HSPA12A: variants seen among roughly 807,000 people sequenced by gnomAD.
HSPA12A encodes the protein heat shock protein family A (Hsp70) member 12A, also known as heat shock 70 kDa protein 12A.
A neutral mutation model predicts 69.2 loss-of-function variants in HSPA12A; 28 were observed. The observed-to-expected ratio is 0.40, with a 90% CI of 0.30 to 0.55. The LOEUF (loss-of-function observed/expected upper bound fraction) is 0.55. Among genes scored for constraint, HSPA12A ranks in the 20% least tolerant of loss-of-function variants. HSPA12A has a pLI of 0.38. For missense variants in HSPA12A, 686 were observed against 900.7 expected (o/e 0.76, Z 3.05); for synonymous variants, 345 against 370.5 (o/e 0.93, Z 0.79).
intron 2 of HSPA12A, among the ~76,000 whole-genome samples, chr10:116,833,616 T>C (rs1845659575): frequency 6.6e-6 from 1 of 152,208 alleles, no homozygotes; most frequent in Admixed American, 6.5e-5. Flanking sequence ...GATCAATAAA[T>C]TTATTTATTG....
rs1554877320 is a variant in HSPA12A, at chr10:116,674,884, A to G, written c.1925T>C (p.Ile642Thr). 1 of 1,613,960 alleles carries G rather than the reference A, an allele frequency of 6.2e-7. No homozygotes were observed. The highest frequency in any genetic ancestry group is 8.5e-7 in the Non-Finnish European group (1 of 1,180,024). Residue 642 changes from isoleucine (I) to threonine (T), a missense_variant, in exon 12 of 12, where the codon ATC (isoleucine) becomes ACC (threonine). Coordinates refer to ENST00000369209, the MANE Select transcript of HSPA12A (RefSeq NM_025015.3). ...SGTAVPARREIQTLMQFGDTE... is the reference protein window; with the variant it reads ...SGTAVPARRETQTLMQFGDTE... The stretch of plus-strand genomic sequence containing the variant: ...GTCCCCGAACTGCATAAGGGTCTGG[A>G]TCTCCCTCCGGGCGGGCACCGCAGT...
At chr10:116,698,523 C>G in intron 5 of HSPA12A, 112 bp downstream of exon 5, 1 of 745,990 alleles carries the variant, frequency 1.3e-6, no homozygotes, top group South Asian at 1.7e-5. Flanking sequence ...CACACTCTCC[C>G]TCCAGGCTGT....
At position 116,681,786 on chromosome 10, in the gene HSPA12A, G is replaced by A. The variant is rs782749175; in HGVS notation, c.922+5C>T. 6 of 1,612,726 alleles carry A rather than the reference G, an allele frequency of 3.7e-6. No individual in the cohort carries two copies. The highest frequency in any genetic ancestry group is 2.7e-5 in the African/African-American group (2 of 74,884). On this transcript the variant is annotated splice_donor_5th_base_variant and intron_variant, in intron 8 of 11. Transcript: ENST00000369209. ...GCAAGAGCAAAGGACATTGAAGGAC[G>A]CTACCTTCCTCCAGCTCGGACCAGA...
intron 2 of HSPA12A, among the ~76,000 whole-genome samples, chr10:116,823,858 T>C (rs1287843939): frequency 1.3e-5 from 2 of 152,184 alleles, no homozygotes; most frequent in Admixed American, 6.5e-5. Context: ...AATGGCTTCT[T>C]AGATATGCCA....
chr10:116,705,303 G>A (rs782274753), intron 2 of HSPA12A, 25 bp from the exon 3 acceptor site: 2 of 1,613,482 alleles, frequency 1.2e-6, no homozygotes, highest in Non-Finnish European at 1.7e-6. Context: ...TGAGGCATGG[G>A]GGGTGTGGAG....
intron 2 of HSPA12A, among the ~76,000 whole-genome samples, chr10:116,764,514 A>T (rs1844037090): frequency 6.6e-6 from 1 of 152,216 alleles, no homozygotes. Context: ...GTTTTGTGTT[A>T]AAAAGGAGTG....
intron 2 of HSPA12A, among the ~76,000 whole-genome samples, chr10:116,806,215 A>T (rs1845064178): frequency 6.6e-6 from 1 of 152,102 alleles, no homozygotes; most frequent in Admixed American, 6.6e-5. Context: ...ATATATATAC[A>T]TTTTTGAGAC....
chr10:116,729,181 T>G (rs575412349), intron 1 of HSPA12A, among the ~76,000 whole-genome samples: 41 of 152,286 alleles, frequency 2.7e-4, no homozygotes, highest in African/African-American at 8.4e-4. Flanking sequence ...CATCTCTCCC[T>G]TCTCCAGAGC....
At chr10:116,733,316 A>G (rs1554886059) in intron 1 of HSPA12A, among the ~76,000 whole-genome samples, 1 of 152,198 alleles carries the variant, frequency 6.6e-6, no homozygotes. Flanking sequence ...ACAAGCAAAG[A>G]GAGGCCAGCC....
intron 2 of HSPA12A, 125 bp from the exon 3 acceptor site, chr10:116,705,403 C>T (rs1454812918): frequency 1.7e-6 from 2 of 1,159,990 alleles, no homozygotes; most frequent in Non-Finnish European, 2.5e-6. Context: ...ATTCTATATT[C>T]CAGCTCAAGT....
At chr10:116,741,029 TGCC>T (rs1851487888) in intron 1 of HSPA12A, among the ~76,000 whole-genome samples, 2 of 145,118 alleles carry the variant, frequency 1.4e-5, no homozygotes, top group Non-Finnish European at 3.0e-5. Flanking sequence ...CAAAGACAGC[TGCC>T]AGTCCATTGC....
intron 2 of HSPA12A, among the ~76,000 whole-genome samples, chr10:116,769,706 C>T (rs1377132248): frequency 1.3e-5 from 2 of 152,172 alleles, no homozygotes; most frequent in Non-Finnish European, 2.9e-5. Context: ...TAAATTAGAG[C>T]AAAACAGCTA....
At chr10:116,736,324 G>A (rs1851314145) in intron 1 of HSPA12A, among the ~76,000 whole-genome samples, 1 of 152,090 alleles carries the variant, frequency 6.6e-6, no homozygotes, top group Admixed American at 6.5e-5. Flanking sequence ...CTGACCTAAT[G>A]TACAACACGG....
intron 1 of HSPA12A, among the ~76,000 whole-genome samples, chr10:116,738,157 G>A (rs1438101432): frequency 2.0e-5 from 3 of 152,156 alleles, no homozygotes; most frequent in Non-Finnish European, 4.4e-5. Context: ...GTCACTCCAG[G>A]CCTTATTGGA....
At chr10:116,810,162 G>T (rs562486296) in intron 2 of HSPA12A, among the ~76,000 whole-genome samples, 3 of 152,276 alleles carry the variant, frequency 2.0e-5, no homozygotes, top group Admixed American at 2.0e-4. Flanking sequence ...TTTCCCCCTG[G>T]TTTAGCCTCT....
In HSPA12A at chr10:116,806,200, GAT is replaced by G. The variant is rs142547230; in HGVS notation, c.91+28733_91+28734del. 5.3e-5 allele frequency among the ~76,000 whole-genome samples: 8 copies of G among 151,762 alleles called. No individual in the cohort carries two copies. The East Asian group carries it at 1.4e-3, about 26-fold the overall frequency. On this transcript the variant is annotated intron_variant, in intron 2 of 12. Transcript: ENST00000635765. The stretch of plus-strand genomic sequence containing the variant: ...AATTCTACAGGAAGACACTGCTGTA[GAT>G]ATATATATATACATTTTTGAGACTG...
chr10:116,686,828 C>T lies in HSPA12A; in HGVS notation c.664-2866G>A, dbSNP rs781884670. Among the ~76,000 whole-genome samples, 16 of 150,426 alleles carry T rather than the reference C, an allele frequency of 1.1e-4. No individual in the cohort carries two copies. The highest frequency in any genetic ancestry group is 2.2e-4 in the Non-Finnish European group (15 of 67,626). ...ACCATAAGCTCCACCCCCACCCCTT[C>T]CCAAACCATAAGCTCCACCCCTCAT... is the stretch of plus-strand genomic sequence containing the variant. On this transcript the variant is annotated intron_variant, in intron 6 of 11. Coordinates refer to ENST00000369209, the MANE Select transcript of HSPA12A (RefSeq NM_025015.3). The surrounding 1 kb of genome is among the most constrained non-coding windows in gnomAD (Gnocchi z 4.1).
chr10:116,722,766 A>G (rs186128906), intron 1 of HSPA12A, among the ~76,000 whole-genome samples: 18 of 152,280 alleles, frequency 1.2e-4, no homozygotes, highest in African/African-American at 3.9e-4. Flanking sequence ...TAAATATTAA[A>G]TTGAATATTA....
chr10:116,728,867 C>A (rs1330777569), intron 1 of HSPA12A, among the ~76,000 whole-genome samples: 1 of 152,194 alleles, frequency 6.6e-6, no homozygotes, highest in Non-Finnish European at 1.5e-5. Context: ...GCTCTGTGAC[C>A]AGGGGCAGGT....
Sources: allele counts gnomAD v4.1 joint callset (sites outside exome capture counted in the v4.1 genomes callset), GRCh38; gene constraint gnomAD v4.1.1; non-coding constraint Gnocchi (gnomAD v3.1); transcripts MANE v1.5; gene names NCBI Gene and HGNC (gene_info 2026-07-23, HGNC 2026-07-21).